Variants in HAUS6 observed in about 807,000 individuals in gnomAD.
HAUS6 encodes HAUS augmin-like complex subunit 6.
In HAUS6, 80 loss-of-function variants were observed where a neutral mutation model predicts 106.8. The ratio of observed to expected loss-of-function variants is 0.75; its 90% CI spans 0.63 to 0.90. HAUS6 has a LOEUF of 0.90. HAUS6 is among the 40% of genes least tolerant of loss of function. HAUS6 has a pLI of 0.00. For synonymous variants in HAUS6, 356 were observed against 379.1 expected (o/e 0.94, Z 0.71); for missense variants, 1,155 against 1,118.1 (o/e 1.03, Z -0.47).
intron 12 of HAUS6, among the ~76,000 whole-genome samples, chr9:19,068,683 T>A (rs969620640): frequency 6.6e-6 from 1 of 150,754 alleles, no homozygotes; most frequent in Non-Finnish European, 1.5e-5. Flanking sequence ...GAAGTTGTAA[T>A]GAAAGACACC....
chr9:19,067,660 G>GTTAT, intron 12 of HAUS6, among the ~76,000 whole-genome samples: 1 of 152,034 alleles, frequency 6.6e-6, no homozygotes, highest in East Asian at 1.9e-4. Flanking sequence ...AATTCTGATA[G>GTTAT]TATCTTGGTA....
chr9:19,095,334 A>G (rs756838871), intron 2 of HAUS6, among the ~76,000 whole-genome samples: 17 of 152,116 alleles, frequency 1.1e-4, no homozygotes, highest in Non-Finnish European at 2.2e-4. Context: ...TACCTTTTCT[A>G]TAACTACATT....
At chr9:19,084,774 A>G (rs1209868874) in intron 7 of HAUS6, among the ~76,000 whole-genome samples, 1 of 151,766 alleles carries the variant, frequency 6.6e-6, no homozygotes, top group East Asian at 1.9e-4. Flanking sequence ...CTGGGACTAC[A>G]GGTGAGTACC....
At chr9:19,085,270 G>A (rs1837262400) in intron 7 of HAUS6, among the ~76,000 whole-genome samples, 1 of 152,010 alleles carries the variant, frequency 6.6e-6, no homozygotes, top group Non-Finnish European at 1.5e-5. Context: ...ACTGTACTCA[G>A]GGAAAACAAA....
At chr9:19,091,097 G>C (rs570387166) in intron 4 of HAUS6, among the ~76,000 whole-genome samples, 68 of 151,770 alleles carry the variant, frequency 4.5e-4, no homozygotes, top group African/African-American at 1.5e-3. Flanking sequence ...TCAGGAGTTC[G>C]AGACCAGCCT....
intron 7 of HAUS6, among the ~76,000 whole-genome samples, chr9:19,083,387 C>T (rs1182334119): frequency 1.3e-5 from 2 of 152,118 alleles, no homozygotes; most frequent in Non-Finnish European, 2.9e-5. Flanking sequence ...GGACTACAGG[C>T]ACGCACCACT....
intron 2 of HAUS6, among the ~76,000 whole-genome samples, chr9:19,095,164 C>T (rs1480711202): frequency 6.0e-5 from 9 of 151,200 alleles, no homozygotes; most frequent in Non-Finnish European, 1.2e-4. Context: ...ACTGTGGGTG[C>T]TATTATTTTG....
chr9:19,094,823 C>G (rs1588627721), intron 2 of HAUS6, among the ~76,000 whole-genome samples: 1 of 151,868 alleles, frequency 6.6e-6, no homozygotes, highest in East Asian at 1.9e-4. Context: ...TTAAAGCTAA[C>G]CTTCTTAGAT....
rs1817708329 is a variant in HAUS6 at position 19,089,884 on chromosome 9, GTGCA to G, written c.437-329_437-326del. Among the ~76,000 whole-genome samples, 5 of 152,244 alleles carry G rather than the reference GTGCA, an allele frequency of 3.3e-5. 1 individual carries two copies. Among genetic ancestry groups the G allele is most frequent in the Admixed American group, 1.3e-4 (2 of 15,278 alleles). On this transcript the variant is annotated intron_variant, in intron 4 of 16. Coordinates refer to ENST00000380502, the MANE Select transcript of HAUS6 (RefSeq NM_017645.5). ...GTCTCACTCTATTGCCCAGGCTGGAGTGCAGTGGCACAAGCATAGGTCACTGCAG... is the reference window on the plus strand; with the variant it reads ...GTCTCACTCTATTGCCCAGGCTGGAGGTGGCACAAGCATAGGTCACTGCAG...
At chr9:19,065,151 A>C (rs1836733584) in intron 12 of HAUS6, 1 of 152,230 alleles carries the variant, frequency 6.6e-6, no homozygotes, top group Non-Finnish European at 1.5e-5. Flanking sequence ...GCAGAGAACA[A>C]TGGAAACATT....
At chr9:19,097,723 T>C (rs1448408699) in intron 1 of HAUS6, among the ~76,000 whole-genome samples, 4 of 151,446 alleles carry the variant, frequency 2.6e-5, no homozygotes, top group Non-Finnish European at 5.9e-5. Flanking sequence ...ATGCTGGCAA[T>C]AGTTTTTATT....
intron 4 of HAUS6, 74 bp from the exon 5 acceptor site, chr9:19,089,633 G>A: frequency 8.9e-7 from 1 of 1,126,962 alleles, no homozygotes. Context: ...ATGAACATTA[G>A]TGTCACTAAC....
intron 4 of HAUS6, among the ~76,000 whole-genome samples, chr9:19,092,476 G>T (rs1345610455): frequency 6.6e-6 from 1 of 151,772 alleles, no homozygotes; most frequent in African/African-American, 2.4e-5. Context: ...TTAGCCGGGT[G>T]TAGAAGTGCA....
In HAUS6 at chr9:19,089,566, A is replaced by C. The variant is rs747157832; in HGVS notation, c.437-7T>G. The C allele has an allele frequency of 5.6e-6, 9 of 1,603,248 alleles. No individual in the cohort carries two copies. The East Asian group carries it at 1.8e-4, about 32-fold the overall frequency. ...ACAAAATGATGAGAAGAATCTACAC[A>C]GAACACAAATAAGATTATAGAAAAC... On this transcript the variant is annotated splice_region_variant and splice_polypyrimidine_tract_variant and intron_variant, in intron 4 of 16. Transcript: ENST00000380502.
chr9:19,093,094 C>G (rs894228462), intron 4 of HAUS6, 77 bp downstream of exon 4: 8 of 1,053,378 alleles, frequency 7.6e-6, no homozygotes, highest in Non-Finnish European at 1.1e-5. Context: ...ACTAAGATCT[C>G]TTCACGATTT....
At chr9:19,080,275 T>C (rs1374314353) in intron 9 of HAUS6, among the ~76,000 whole-genome samples, 1 of 151,948 alleles carries the variant, frequency 6.6e-6, no homozygotes, top group African/African-American at 2.4e-5. Flanking sequence ...AAAAAAATTA[T>C]TCAGGGCAAA....
At chr9:19,087,857 A>AG (rs1452644160) in intron 5 of HAUS6, among the ~76,000 whole-genome samples, 1 of 151,072 alleles carries the variant, frequency 6.6e-6, no homozygotes, top group Non-Finnish European at 1.5e-5. Flanking sequence ...AAAAAAAAAA[A>AG]AAAAAAAAAA....
At chr9:19,061,962 C>A (rs771323053) in intron 14 of HAUS6, among the ~76,000 whole-genome samples, 4 of 152,210 alleles carry the variant, frequency 2.6e-5, no homozygotes, top group Non-Finnish European at 5.9e-5. Context: ...CCAAATTTTT[C>A]TTTCAGTGTC....
chr9:19,088,442 T>C (rs1817674193), intron 5 of HAUS6, among the ~76,000 whole-genome samples: 1 of 151,038 alleles, frequency 6.6e-6, no homozygotes, highest in South Asian at 2.1e-4. Context: ...AGTAATACAC[T>C]ATGGCAATAT....
Sources: allele counts gnomAD v4.1 joint callset (sites outside exome capture counted in the v4.1 genomes callset), GRCh38; gene constraint gnomAD v4.1.1; transcripts MANE v1.5; gene names NCBI Gene and HGNC (gene_info 2026-07-23, HGNC 2026-07-21).